The following MOB4 variants were observed in gnomAD, a reference collection of about 807,000 sequenced individuals.
MOB4 encodes MOB family member 4, phocein.
In MOB4, 4 loss-of-function variants were observed where a neutral mutation model predicts 32.2. The observed-to-expected ratio is 0.12, with a 90% confidence interval of 0.06 to 0.28. MOB4 has a LOEUF of 0.28. Ranked by LOEUF, MOB4 falls within the 10% of genes least tolerant of loss-of-function variation. The pLI is 1.00. For synonymous variants in MOB4, 88 were observed against 88.1 expected (o/e 1.00, Z 0.01); for missense variants, 158 against 271.2 (o/e 0.58, Z 2.93).
Position 197,553,064 on chromosome 2 carries a change from T to G in MOB4, c.*2418T>G, listed in dbSNP as rs2087122667. On this transcript the variant is annotated 3_prime_UTR_variant, in exon 8 of 8. Transcript: ENST00000323303. ...ACATTTCCTTTTCTCTGACTTGAGA[T>G]GTCAAATTTGGATTTCTAGAACAGT... is the stretch of plus-strand genomic sequence containing the variant. 6.6e-6 allele frequency: 1 copy of G among 152,236 alleles called. No homozygotes were observed. The allele number at this position is 152,236 out of a possible 1,614,324, so 9.4% of individuals were successfully genotyped here.
At chr2:197,523,846 A>G (rs984686089) in intron 2 of MOB4, among the ~76,000 whole-genome samples, 160 bp downstream of exon 2, 10 of 152,246 alleles carry the variant, frequency 6.6e-5, no homozygotes, top group African/African-American at 2.4e-4. Context: ...TACAACTCCA[A>G]TAACCTAAGC....
Position 197,543,101 on chromosome 2 carries a change from A to G in MOB4, c.354+2664A>G, listed in dbSNP as rs187488562. Among the ~76,000 whole-genome samples the G allele has an allele frequency of 1.3e-3, 196 of 152,194 alleles. 1 individual carries two copies. The highest frequency in any genetic ancestry group is 4.4e-3 in the African/African-American group (182 of 41,544). ...GAGGTCAGGAGTTCGAGACCAGCCT[A>G]GCCAACATGGTGAAACCCCATCTCT... On this transcript the variant is annotated intron_variant, in intron 5 of 7. Transcript: ENST00000323303.
intron 1 of MOB4, 113 bp downstream of exon 1, chr2:197,516,259 G>A: frequency 6.7e-7 from 1 of 1,492,302 alleles, no homozygotes; most frequent in Non-Finnish European, 8.9e-7. Flanking sequence ...GGCGGGCTGG[G>A]GCACTGGTGC....
chr2:197,516,722 G>A (rs1336393695), intron 1 of MOB4: 2 of 471,594 alleles, frequency 4.2e-6, no homozygotes. Flanking sequence ...CTCTGGTCCA[G>A]CAAGTTTTCA....
intron 1 of MOB4, among the ~76,000 whole-genome samples, chr2:197,519,547 A>G (rs2086477567): frequency 6.6e-6 from 1 of 152,254 alleles, no homozygotes. Context: ...AATAGTTGTT[A>G]TACTGTATTT....
At chr2:197,543,752 T>A (rs1239564690) in intron 5 of MOB4, among the ~76,000 whole-genome samples, 3 of 152,176 alleles carry the variant, frequency 2.0e-5, no homozygotes, top group African/African-American at 7.2e-5. Flanking sequence ...TTTTCTTTTC[T>A]TTTTGAGACA....
At chr2:197,544,698 A>G (rs1278270578) in intron 5 of MOB4, among the ~76,000 whole-genome samples, 1 of 151,550 alleles carries the variant, frequency 6.6e-6, no homozygotes, top group Non-Finnish European at 1.5e-5. Context: ...GCTTGCACTG[A>G]GTGGAGATCA....
chr2:197,516,671 C>T (rs1017322215), intron 1 of MOB4: 2 of 471,576 alleles, frequency 4.2e-6, no homozygotes, highest in Admixed American at 2.3e-5. Flanking sequence ...CTCCTTGTTT[C>T]CCTTTGACCA....
At position 197,552,103 on chromosome 2, in the gene MOB4, A is replaced by T. The variant is rs1273866516; in HGVS notation, c.*1457A>T. 6.6e-6 allele frequency: 1 copy of T among 152,326 alleles called. No individual in the cohort carries two copies. Among genetic ancestry groups the T allele is most frequent in the East Asian group, 1.9e-4 (1 of 5,336 alleles). The allele number at this position is 152,326 out of a possible 1,614,324, so 9.4% of individuals were successfully genotyped here. On this transcript the variant is annotated 3_prime_UTR_variant, in exon 8 of 8. Transcript: ENST00000323303. ...AGAATGTACAGCAAAAATAAGGGGA[A>T]CAGTAGTATACTGAGAGTGTGTGTA... is the stretch of plus-strand genomic sequence containing the variant.
chr2:197,549,715 G>A (rs57602436), intron 6 of MOB4, among the ~76,000 whole-genome samples: 106,403 of 151,636 alleles, frequency 0.7, 37,992 homozygotes, highest in Middle Eastern at 0.86. Context: ...ACGCCTGGCT[G>A]ATTTTTGTAT....
chr2:197,542,358 G>T (rs1261352693), intron 5 of MOB4, among the ~76,000 whole-genome samples: 1 of 152,154 alleles, frequency 6.6e-6, no homozygotes, highest in East Asian at 1.9e-4. Context: ...ATATTGAGTG[G>T]AGTTACTGTA....
intron 6 of MOB4, 56 bp downstream of exon 6, chr2:197,548,471 G>T: frequency 1.4e-6 from 1 of 702,846 alleles, no homozygotes; most frequent in Non-Finnish European, 2.0e-6. Flanking sequence ...TTATAAGATT[G>T]GTATTTTAGG....
Position 197,542,204 on chromosome 2 carries a change from A to G in MOB4, c.354+1767A>G, listed in dbSNP as rs543123482. 1.9e-4 allele frequency among the ~76,000 whole-genome samples: 29 copies of G among 152,314 alleles called. 2 individuals carry two copies. In the South Asian group the frequency reaches 5.8e-3, roughly 30 times the overall value. On this transcript the variant is annotated intron_variant, in intron 5 of 7. Transcript: ENST00000323303. The stretch of plus-strand genomic sequence containing the variant: ...CATTCTCATATCCACTTCTTTCTTG[A>G]TTAATATTAAATGACAGGATAGTCA...
chr2:197,519,666 A>G (rs1343761680), intron 1 of MOB4, among the ~76,000 whole-genome samples: 1 of 151,934 alleles, frequency 6.6e-6, no homozygotes, highest in Non-Finnish European at 1.5e-5. Context: ...CATTTTCTGT[A>G]TTTTTTTTCT....
intron 5 of MOB4, among the ~76,000 whole-genome samples, chr2:197,546,218 C>T (rs1432744894): frequency 1.3e-5 from 2 of 151,762 alleles, no homozygotes; most frequent in African/African-American, 2.4e-5. Context: ...CCTGCCACTG[C>T]GCACAGCTAA....
In MOB4 at chr2:197,548,333, T is replaced by C. The variant is rs1262121448; in HGVS notation, c.355-3T>C. The C allele has an allele frequency of 3.7e-6, 6 of 1,603,560 alleles. No homozygotes were observed. Among genetic ancestry groups the C allele is most frequent in the Non-Finnish European group, 4.3e-6 (5 of 1,174,896 alleles). ...ATGCATTTCTATATTCTTTCTTTTG[T>C]AGTGTCCTGCTATAGACTATACTAG... On this transcript the variant is annotated splice_region_variant and splice_polypyrimidine_tract_variant and intron_variant, in intron 5 of 7. Coordinates refer to ENST00000323303, the MANE Select transcript of MOB4 (RefSeq NM_015387.5).
intron 5 of MOB4, among the ~76,000 whole-genome samples, chr2:197,543,959 C>T (rs930469779): frequency 7.2e-5 from 11 of 152,000 alleles, no homozygotes; most frequent in Non-Finnish European, 8.8e-5. Context: ...AGGCTGGCCT[C>T]GAACTCCTGA....
intron 5 of MOB4, among the ~76,000 whole-genome samples, chr2:197,541,436 A>C (rs1261562454): frequency 6.6e-6 from 1 of 152,178 alleles, no homozygotes; most frequent in East Asian, 1.9e-4. Context: ...CATTATATTG[A>C]TAGACTTCTA....
rs559025594 is a variant in MOB4, at chr2:197,521,668, C to T, written c.61-1956C>T. Among the ~76,000 whole-genome samples the T allele has an allele frequency of 3.2e-4, 49 of 152,266 alleles. No homozygotes were observed. In the South Asian group the frequency reaches 6.4e-3, roughly 20 times the overall value. ...CCACCCCCAGGCGTGTATTCTCTTT[C>T]CCAGGGATGTTCCTTGCTGAGAAAA... On this transcript the variant is annotated intron_variant, in intron 1 of 7. Coordinates refer to ENST00000323303, the MANE Select transcript of MOB4 (RefSeq NM_015387.5).
Sources: allele counts gnomAD v4.1 joint callset (sites outside exome capture counted in the v4.1 genomes callset), GRCh38; gene constraint gnomAD v4.1.1; transcripts MANE v1.5; gene names NCBI Gene and HGNC (gene_info 2026-07-23, HGNC 2026-07-21).